Variants in PTPRO observed in about 807,000 individuals in gnomAD.
PTPRO encodes the protein protein tyrosine phosphatase receptor type O.
Under a neutral mutation model 145.2 loss-of-function variants are expected in PTPRO, and 62 were observed. The ratio of observed to expected loss-of-function variants is 0.43; its 90% CI spans 0.35 to 0.53. The LOEUF is 0.53. Among genes scored for constraint, PTPRO ranks in the 20% least tolerant of loss-of-function variants. The probability of loss-of-function intolerance (pLI) is 0.01; values close to 1 mark genes in which losing one functional copy is unlikely to be tolerated. For synonymous variants in PTPRO, 565 were observed against 514.7 expected (o/e 1.10, Z -1.32); for missense variants, 1,345 against 1,482.7 (o/e 0.91, Z 1.53).
At chr12:15,405,111 G>T (rs1288650497) in intron 1 of PTPRO, among the ~76,000 whole-genome samples, 1 of 152,058 alleles carries the variant, frequency 6.6e-6, no homozygotes. Context: ...ATCACATGGG[G>T]GATTAAGGCT....
At chr12:15,432,820 A>T (rs1412707752) in intron 1 of PTPRO, among the ~76,000 whole-genome samples, 2 of 152,126 alleles carry the variant, frequency 1.3e-5, no homozygotes, top group Non-Finnish European at 2.9e-5. Context: ...GTGTTTGCTC[A>T]TGTTCTTTGC....
chr12:15,567,319 C>T (rs1943924927), intron 18 of PTPRO, among the ~76,000 whole-genome samples: 2 of 152,130 alleles, frequency 1.3e-5, no homozygotes, highest in Admixed American at 1.3e-4. Context: ...ACTACCATAT[C>T]CCCCTGGTTC....
intron 1 of PTPRO, among the ~76,000 whole-genome samples, chr12:15,358,359 T>A (rs926131001): frequency 3.3e-5 from 5 of 151,902 alleles, no homozygotes; most frequent in Non-Finnish European, 5.9e-5. Context: ...ATTGTGCACA[T>A]GTACCCTAAA....
At chr12:15,562,741 CTT>C (rs5796638) in intron 17 of PTPRO, among the ~76,000 whole-genome samples, 32 of 144,366 alleles carry the variant, frequency 2.2e-4, no homozygotes, top group African/African-American at 1.8e-4. Context: ...AGTGTTAAAT[CTT>C]TTTTTTTTTT....
chr12:15,589,401 A>AG (rs1392552071), intron 24 of PTPRO, 54 bp from the exon 25 acceptor site: 4 of 1,599,990 alleles, frequency 2.5e-6, no homozygotes, highest in Middle Eastern at 1.7e-4. Context: ...AAGAGGGGGG[A>AG]GAAAAAAAAG....
At chr12:15,390,768 G>A (rs1939167887) in intron 1 of PTPRO, among the ~76,000 whole-genome samples, 1 of 100,942 alleles carries the variant, frequency 9.9e-6, no homozygotes, top group Admixed American at 9.4e-5. Flanking sequence ...GTAAGAGATG[G>A]TCTGAGAGGA....
At chr12:15,571,161 C>T (rs1272889503) in intron 19 of PTPRO, among the ~76,000 whole-genome samples, 1 of 152,168 alleles carries the variant, frequency 6.6e-6, no homozygotes, top group Non-Finnish European at 1.5e-5. Flanking sequence ...CTCATTTCTG[C>T]TTCTCTCTCT....
intron 13 of PTPRO, 87 bp downstream of exon 13, chr12:15,546,795 G>C: frequency 6.4e-7 from 1 of 1,550,538 alleles, no homozygotes; most frequent in Non-Finnish European, 8.9e-7. Flanking sequence ...ATTTCTTTGA[G>C]CTATATAAAA....
At chr12:15,379,678 T>C (rs981238233) in intron 1 of PTPRO, among the ~76,000 whole-genome samples, 27 of 152,044 alleles carry the variant, frequency 1.8e-4, no homozygotes, top group African/African-American at 6.3e-4. Context: ...AGGATGCCAA[T>C]CACAAAAGTA....
intron 1 of PTPRO, among the ~76,000 whole-genome samples, chr12:15,440,618 T>C (rs1453932101): frequency 6.6e-6 from 1 of 152,090 alleles, no homozygotes; most frequent in Non-Finnish European, 1.5e-5. Flanking sequence ...CCCAGCACTT[T>C]GGGAGGCCAA....
intron 1 of PTPRO, among the ~76,000 whole-genome samples, chr12:15,432,378 C>T (rs1021783696): frequency 8.5e-5 from 13 of 152,172 alleles, no homozygotes; most frequent in South Asian, 4.1e-4. Context: ...GTATATATAA[C>T]GCATTTTCTT....
At chr12:15,349,956 G>A (rs1187859043) in intron 1 of PTPRO, among the ~76,000 whole-genome samples, 1 of 152,172 alleles carries the variant, frequency 6.6e-6, no homozygotes, top group Non-Finnish European at 1.5e-5. Flanking sequence ...TCTGAGTCAG[G>A]AATAAAAGTT....
rs145885078 is a variant in PTPRO at position 15,413,591 on chromosome 12, G to C, written c.76-70383G>C. ...GCACTTCAGGTGGCCAAGGTAGGTG[G>C]ACCATTTGAAGTCAGGAGCTCAAGA... is the stretch of plus-strand genomic sequence containing the variant. On this transcript the variant is annotated intron_variant, in intron 1 of 26. Transcript: ENST00000281171. 8.7e-3 allele frequency among the ~76,000 whole-genome samples: 1,319 copies of C among 152,246 alleles called. 23 individuals are homozygous for C. The highest frequency in any genetic ancestry group is 0.03 in the African/African-American group (1,263 of 41,526).
chr12:15,323,911 C>A (rs1177913911), intron 1 of PTPRO, among the ~76,000 whole-genome samples: 4 of 152,018 alleles, frequency 2.6e-5, no homozygotes, highest in Admixed American at 2.6e-4. Context: ...TTAAATACTC[C>A]ATATTTTCAT....
intron 12 of PTPRO, among the ~76,000 whole-genome samples, chr12:15,534,217 C>T (rs1377344928): frequency 1.3e-5 from 2 of 151,934 alleles, no homozygotes; most frequent in African/African-American, 2.4e-5. Flanking sequence ...GGTGAATCAA[C>T]CTGGATCCCT....
At chr12:15,455,103 C>T (rs1591826183) in intron 1 of PTPRO, among the ~76,000 whole-genome samples, 2 of 152,140 alleles carry the variant, frequency 1.3e-5, no homozygotes, top group South Asian at 4.1e-4. Flanking sequence ...TTTTCTATAT[C>T]AGCCTACCTT....
intron 1 of PTPRO, among the ~76,000 whole-genome samples, chr12:15,349,675 A>G (rs1724803561): frequency 6.6e-6 from 1 of 152,130 alleles, no homozygotes; most frequent in African/African-American, 2.4e-5. Context: ...AAAAAGAAAT[A>G]CCCCACAAAA....
Position 15,484,264 on chromosome 12 carries a change from A to G in PTPRO, c.349+17A>G. ...TGTTAACAAGTAAGCATCATGTGTA[A>G]TATTGTCCCGTTTCTTCTTATTGTT... On this transcript the variant is annotated intron_variant, in intron 2 of 26. Coordinates refer to ENST00000281171, the MANE Select transcript of PTPRO (RefSeq NM_030667.3). 6.2e-7 allele frequency: 1 copy of G among 1,612,726 alleles called. No individual in the cohort carries two copies. Among genetic ancestry groups the G allele is most frequent in the Non-Finnish European group, 8.5e-7 (1 of 1,179,240 alleles).
chr12:15,378,067 T>C (rs958170874), intron 1 of PTPRO, among the ~76,000 whole-genome samples: 2 of 151,964 alleles, frequency 1.3e-5, no homozygotes, highest in Admixed American at 6.6e-5. Flanking sequence ...AATAGCCTAA[T>C]CTTCCACCTT....
Sources: gnomAD v4.1 joint callset for allele counts (sites outside exome capture counted in the v4.1 genomes callset) on GRCh38, gnomAD v4.1.1 for gene constraint, MANE v1.5 for transcripts, NCBI Gene and HGNC (gene_info 2026-07-23, HGNC 2026-07-21) for gene names.